The following APBB2 variants were observed in gnomAD, a reference collection of about 807,000 sequenced individuals.
APBB2 encodes the protein Fe65-like 1.
A neutral mutation model predicts 82.5 loss-of-function variants in APBB2; 38 were observed. The observed-to-expected ratio is 0.46, with a 90% confidence interval of 0.36 to 0.60. APBB2 has a LOEUF of 0.60. Ranked by LOEUF, APBB2 falls within the 20% of genes least tolerant of loss-of-function variation. APBB2 has a pLI of 0.00. For synonymous variants in APBB2, 341 were observed against 368.2 expected (o/e 0.93, Z 0.85); for missense variants, 772 against 972.3 (o/e 0.79, Z 2.74).
chr4:41,168,818 C>T (rs1767433745), intron 1 of APBB2, among the ~76,000 whole-genome samples: 2 of 152,044 alleles, frequency 1.3e-5, no homozygotes, highest in South Asian at 4.1e-4. Context: ...AAGTTTTCTA[C>T]CTGATACAGG....
chr4:40,832,983 C>A lies in APBB2; in HGVS notation c.1530-2406G>T, dbSNP rs560096947. Among the ~76,000 whole-genome samples, 3 of 152,218 alleles carry A rather than the reference C, an allele frequency of 2.0e-5. No homozygotes were observed. The highest frequency in any genetic ancestry group is 2.0e-4 in the Admixed American group (3 of 15,286). ...GGTGGGTTGGGGCAAGTCACTGGGC[C>A]GAGACTTTGAGGGGTGAGCACAGTC... is the stretch of plus-strand genomic sequence containing the variant. On this transcript the variant is annotated intron_variant, in intron 12 of 17. Coordinates refer to ENST00000508593, the MANE Select transcript of APBB2 (RefSeq NM_004307.2). The surrounding 1 kb of genome is among the most constrained non-coding windows in gnomAD (Gnocchi z 4.8).
intron 6 of APBB2, among the ~76,000 whole-genome samples, chr4:41,011,025 C>T (rs1808199816): frequency 6.6e-6 from 1 of 151,770 alleles, no homozygotes; most frequent in Non-Finnish European, 1.5e-5. Context: ...ATGTGTTATA[C>T]TGTATTATAT....
At chr4:40,830,930 A>AAAACAAAAAAC (rs1446452134) in intron 12 of APBB2, among the ~76,000 whole-genome samples, 1 of 152,160 alleles carries the variant, frequency 6.6e-6, no homozygotes, top group Non-Finnish European at 1.5e-5. Context: ...AAACCAAAAA[A>AAAACAAAAAAC]AAACAAAAAA....
At position 41,013,993 on chromosome 4, in the gene APBB2, G is replaced by C; in HGVS notation, c.425C>G (p.Pro142Arg). 1 of 1,614,164 alleles carries C rather than the reference G, an allele frequency of 6.2e-7. No individual in the cohort carries two copies. Among genetic ancestry groups the C allele is most frequent in the Non-Finnish European group, 8.5e-7 (1 of 1,180,000 alleles). Residue 142 changes from proline (P) to arginine (R), a missense_variant, in exon 6 of 18, where the codon CCA becomes CGA. Physicochemically the swap from Pro to Arg is moderately radical, Grantham distance 103. Transcript: ENST00000508593. The stretch of plus-strand genomic sequence containing the variant: ...AATCTCACAGCTCGAGGAATCCTGT[G>C]GGTGGGGCTCTTTACCCTCTAACTT... ...SEKLEGKEPH[P>R]QDSSSCEILP...
At chr4:41,099,052 T>C (rs1744483391) in intron 3 of APBB2, among the ~76,000 whole-genome samples, 1 of 152,196 alleles carries the variant, frequency 6.6e-6, no homozygotes, top group Admixed American at 6.5e-5. Flanking sequence ...GACAATAATA[T>C]TTCACTATTA....
At chr4:40,962,333 T>C (rs1793507618) in intron 6 of APBB2, among the ~76,000 whole-genome samples, 2 of 152,172 alleles carry the variant, frequency 1.3e-5, no homozygotes, top group South Asian at 2.1e-4. Context: ...ATGAAATAAT[T>C]ATTCTCAAAA....
chr4:41,157,318 C>T (rs1763727925), intron 1 of APBB2, among the ~76,000 whole-genome samples: 1 of 152,182 alleles, frequency 6.6e-6, no homozygotes, highest in Non-Finnish European at 1.5e-5. Context: ...CTGCAAAGAG[C>T]TCCTGCATGA....
chr4:41,085,133 C>T (rs937790660), intron 3 of APBB2, among the ~76,000 whole-genome samples: 1 of 151,914 alleles, frequency 6.6e-6, no homozygotes, highest in African/African-American at 2.4e-5. Context: ...CGCCTGTAGT[C>T]CCAGCTACTT....
intron 1 of APBB2, among the ~76,000 whole-genome samples, chr4:41,196,966 T>C: frequency 6.8e-6 from 1 of 148,048 alleles, no homozygotes; most frequent in East Asian, 1.9e-4. Context: ...TTTTTTTAAA[T>C]TGTATTAGTT....
At chr4:40,955,472 T>C (rs1791366425) in intron 6 of APBB2, among the ~76,000 whole-genome samples, 1 of 152,252 alleles carries the variant, frequency 6.6e-6, no homozygotes. Context: ...ATCAGAGGAA[T>C]AATCTGCACA....
intron 10 of APBB2, among the ~76,000 whole-genome samples, chr4:40,921,821 T>A (rs899664103): frequency 6.6e-6 from 1 of 152,184 alleles, no homozygotes; most frequent in Non-Finnish European, 1.5e-5. Context: ...CACGGGTCCA[T>A]TTTCCAGCTT....
chr4:41,166,190 A>T (rs1766544465), intron 1 of APBB2, among the ~76,000 whole-genome samples: 1 of 151,914 alleles, frequency 6.6e-6, no homozygotes, highest in African/African-American at 2.4e-5. Context: ...TTTCTGCTCC[A>T]AAAGGGAAGC....
chr4:40,947,905 G>A (rs572619489), intron 6 of APBB2, among the ~76,000 whole-genome samples: 3 of 152,168 alleles, frequency 2.0e-5, no homozygotes, highest in Non-Finnish European at 4.4e-5. Flanking sequence ...AATAAATAAA[G>A]AAGGAAGAAA....
intron 12 of APBB2, among the ~76,000 whole-genome samples, chr4:40,831,229 C>T (rs1751789468): frequency 6.6e-6 from 1 of 152,144 alleles, no homozygotes; most frequent in South Asian, 2.1e-4. Flanking sequence ...GAAACTCTGT[C>T]TCTACTAAAA....
intron 2 of APBB2, among the ~76,000 whole-genome samples, chr4:41,126,109 G>A (rs1754309784): frequency 6.6e-6 from 1 of 151,942 alleles, no homozygotes; most frequent in South Asian, 2.1e-4. Context: ...GCCAGGCACA[G>A]TGGTTCACAC....
chr4:40,848,970 C>T, intron 12 of APBB2: 1 of 937,782 alleles, frequency 1.1e-6, no homozygotes, highest in Non-Finnish European at 1.3e-6. Context: ...GAGCAAGAAC[C>T]TTTCTGCCTG....
intron 10 of APBB2, among the ~76,000 whole-genome samples, chr4:40,907,175 G>A (rs758446103): frequency 2.0e-5 from 3 of 151,666 alleles, no homozygotes; most frequent in Non-Finnish European, 2.9e-5. Context: ...CAGGGTAGTT[G>A]TTAAGACTGA....
At chr4:41,112,155 C>T (rs1472235656) in intron 2 of APBB2, among the ~76,000 whole-genome samples, 1 of 152,194 alleles carries the variant, frequency 6.6e-6, no homozygotes, top group Non-Finnish European at 1.5e-5. Context: ...GGAGAAACCC[C>T]ACCTCCAAAG....
intron 3 of APBB2, among the ~76,000 whole-genome samples, chr4:41,085,895 C>T (rs552247227): frequency 7.9e-5 from 12 of 151,648 alleles, no homozygotes; most frequent in African/African-American, 2.7e-4. Flanking sequence ...CAAGAAAAAT[C>T]AACAAAACCA....
Sources: allele counts gnomAD v4.1 joint callset (sites outside exome capture counted in the v4.1 genomes callset), GRCh38; gene constraint gnomAD v4.1.1; non-coding constraint Gnocchi (gnomAD v3.1); transcripts MANE v1.5; gene names NCBI Gene and HGNC (gene_info 2026-07-23, HGNC 2026-07-21).